The following PCDHGA10 variants were observed in gnomAD, a reference collection of about 807,000 sequenced individuals.
The protein encoded by PCDHGA10 is protocadherin gamma subfamily A, 10.
Under a neutral mutation model 59.5 loss-of-function variants are expected in PCDHGA10, and 42 were observed. The ratio of observed to expected loss-of-function variants is 0.71; its 90% CI spans 0.55 to 0.91. The LOEUF is 0.91. PCDHGA10 is among the 40% of genes least tolerant of loss of function. PCDHGA10 has a pLI of 0.00. For synonymous variants in PCDHGA10, 511 were observed against 517.2 expected, an observed-to-expected ratio of 0.99 and a Z score of 0.16; for missense variants, 1,111 against 1,198.2, an observed-to-expected ratio of 0.93 and a Z score of 1.07.
chr5:141,460,950 T>C (rs1458616371), intron 1 of PCDHGA10, among the ~76,000 whole-genome samples: 1 of 135,948 alleles, frequency 7.4e-6, no homozygotes, highest in East Asian at 2.0e-4. Flanking sequence ...ATATGTATTA[T>C]GTATATATAT....
At chr5:141,505,302 G>A (rs1733345360) in intron 2 of PCDHGA10, 91 bp from the exon 3 acceptor site, 1 of 1,592,596 alleles carries the variant, frequency 6.3e-7, no homozygotes, top group Admixed American at 1.7e-5. Flanking sequence ...TAGGGTTAGG[G>A]TACTAGGTTT....
At chr5:141,422,296 A>T (rs200545713) in intron 1 of PCDHGA10, 6 of 1,550,706 alleles carry the variant, frequency 3.9e-6, no homozygotes, top group Non-Finnish European at 4.3e-6. Context: ...TATTAATTCA[A>T]TTCTGGAAAA....
At chr5:141,502,932 C>T (rs1039438031) in intron 2 of PCDHGA10, among the ~76,000 whole-genome samples, 2 of 143,766 alleles carry the variant, frequency 1.4e-5, no homozygotes, top group African/African-American at 5.3e-5. Context: ...CAACCTTCAC[C>T]TCCTGGGTTC....
chr5:141,418,397 T>C (rs764404369), intron 1 of PCDHGA10: 9 of 1,613,838 alleles, frequency 5.6e-6, no homozygotes, highest in South Asian at 3.3e-5. Context: ...GTATTTCTCA[T>C]TGGTGGAGAA....
chr5:141,498,306 A>C (rs2099783027), intron 2 of PCDHGA10, among the ~76,000 whole-genome samples: 1 of 151,810 alleles, frequency 6.6e-6, no homozygotes, highest in African/African-American at 2.4e-5. Flanking sequence ...TCTGGGTCAC[A>C]CTGCCTACAC....
At chr5:141,442,947 C>T (rs185574624) in intron 1 of PCDHGA10, among the ~76,000 whole-genome samples, 92 of 152,282 alleles carry the variant, frequency 6.0e-4, no homozygotes, top group African/African-American at 1.7e-3. Flanking sequence ...AACTTCCTCT[C>T]ACTGCAAAAA....
rs1594492695 is a variant in PCDHGA10 at position 141,485,536 on chromosome 5, A to G, written c.2437-9271A>G. On this transcript the variant is annotated intron_variant, in intron 1 of 3. Transcript: ENST00000398610. The surrounding 1 kb of genome is among the most constrained non-coding windows in gnomAD (Gnocchi z 5.7). ...CTTTGGAAATGTACCGAGCAGAGGTAGAGATCGTAGATGTGAATGATCACG... is the reference window on the plus strand; with the variant it reads ...CTTTGGAAATGTACCGAGCAGAGGTGGAGATCGTAGATGTGAATGATCACG... 3 of 1,613,976 alleles carry G rather than the reference A, an allele frequency of 1.9e-6. No homozygotes were observed. The highest frequency in any genetic ancestry group is 2.5e-6 in the Non-Finnish European group (3 of 1,179,946).
At position 141,414,822 on chromosome 5, in the gene PCDHGA10, C is replaced by A; in HGVS notation, c.1647C>A (p.Asn549Lys). 1 of 1,614,240 alleles carries A rather than the reference C, an allele frequency of 6.2e-7. No individual in the cohort carries two copies. Among genetic ancestry groups the A allele is most frequent in the Non-Finnish European group, 8.5e-7 (1 of 1,180,042 alleles). ...SDSGDPPLSS[N>K]VSLSLFVLDQ... is the part of the protein sequence containing the mutation. ...GCGGGGATCCTCCACTCAGCAGCAA[C>A]GTGTCGTTGAGCCTGTTTGTGCTGG... The change falls in exon 1 of 4, where the codon AAC becomes AAA. Residue 549 changes from asparagine (N) to lysine (K), a missense_variant. Coordinates refer to ENST00000398610, the MANE Select transcript of PCDHGA10 (RefSeq NM_018913.3).
intron 1 of PCDHGA10, among the ~76,000 whole-genome samples, chr5:141,445,447 A>C (rs974383838): frequency 6.6e-6 from 1 of 152,222 alleles, no homozygotes; most frequent in Non-Finnish European, 1.5e-5. Flanking sequence ...TGGACTAAGG[A>C]TGCAGCAATG....
chr5:141,438,735 C>T (rs2098057719), intron 1 of PCDHGA10, among the ~76,000 whole-genome samples: 1 of 149,150 alleles, frequency 6.7e-6, no homozygotes, highest in South Asian at 2.1e-4. Context: ...GATCTCAGCT[C>T]ACTGCAACCT....
Position 141,486,142 on chromosome 5 carries a change from C to T in PCDHGA10, c.2437-8665C>T. 6.2e-7 allele frequency: 1 copy of T among 1,614,200 alleles called. No homozygotes were observed. The highest frequency in any genetic ancestry group is 1.3e-5 in the African/African-American group (1 of 75,052). ...ACTATGAATTTGATGTGCGGGCTCG[C>T]GATGGGGGTTCTCCAGCCATGGAGC... On this transcript the variant is annotated intron_variant, in intron 1 of 3. Coordinates refer to ENST00000398610, the MANE Select transcript of PCDHGA10 (RefSeq NM_018913.3). This position sits in a 1 kb window ranked among gnomAD's most constrained non-coding sequence, Gnocchi z 5.0.
chr5:141,427,820 G>A (rs2097075272), intron 1 of PCDHGA10: 2 of 1,532,144 alleles, frequency 1.3e-6, no homozygotes, highest in East Asian at 4.5e-5. Flanking sequence ...GCGGGGTGGT[G>A]GTCGCGCAGC....
At chr5:141,461,602 A>G (rs971808608) in intron 1 of PCDHGA10, among the ~76,000 whole-genome samples, 2 of 152,172 alleles carry the variant, frequency 1.3e-5, no homozygotes, top group African/African-American at 4.8e-5. Flanking sequence ...ATTATAATTT[A>G]GTTCAAAGTA....
chr5:141,427,628 G>A (rs1308356581), intron 1 of PCDHGA10: 2 of 700,966 alleles, frequency 2.9e-6, no homozygotes, highest in Admixed American at 2.0e-5. Flanking sequence ...ACAATGCTCC[G>A]GTTTTCCACC....
In PCDHGA10 at chr5:141,487,819, C is replaced by A; in HGVS notation, c.2437-6988C>A. 2.3e-6 allele frequency: 3 copies of A among 1,285,528 alleles called. No homozygotes were observed. Among genetic ancestry groups the A allele is most frequent in the Non-Finnish European group, 3.2e-6 (3 of 932,998 alleles). 79.6% of individuals were successfully genotyped at this position (1,285,528 alleles called of 1,614,324 possible). On this transcript the variant is annotated intron_variant, in intron 1 of 3. Transcript: ENST00000398610. This position sits in a 1 kb window ranked among gnomAD's most constrained non-coding sequence, Gnocchi z 5.0. ...AGTTGTCACAGTTTAGCATTGGGGG[C>A]GGGTCATGCCTATATCTGAGTAAGA...
chr5:141,490,890 G>C lies in PCDHGA10; in HGVS notation c.2437-3917G>C, dbSNP rs751713801. The C allele has an allele frequency of 9.9e-6, 16 of 1,613,306 alleles. No homozygotes were observed. The South Asian group carries it at 1.2e-4, about 12-fold the overall frequency. On this transcript the variant is annotated intron_variant, in intron 1 of 3. Transcript: ENST00000398610. This position sits in a 1 kb window ranked among gnomAD's most constrained non-coding sequence, Gnocchi z 5.4. ...CCCCATTGCATGCCAACACATCTCT[G>C]CATGTGTTTGTCCTAGACGAGAATG...
At chr5:141,418,955 G>C in intron 1 of PCDHGA10, 4 of 1,614,050 alleles carry the variant, frequency 2.5e-6, no homozygotes, top group Non-Finnish European at 3.4e-6. Flanking sequence ...AGGAGTGGTT[G>C]TTGCCCTCTT....
chr5:141,471,635 A>G (rs1477641248), intron 1 of PCDHGA10: 1 of 152,224 alleles, frequency 6.6e-6, no homozygotes, highest in Non-Finnish European at 1.5e-5. Context: ...GGTATGGATT[A>G]GTAATATACT....
At position 141,485,532 on chromosome 5, in the gene PCDHGA10, A is replaced by C. The variant is rs1360942348; in HGVS notation, c.2437-9275A>C. 6.2e-7 allele frequency: 1 copy of C among 1,614,108 alleles called. No individual in the cohort carries two copies. The highest frequency in any genetic ancestry group is 1.7e-5 in the Admixed American group (1 of 60,000). ...GGTCCTTTGGAAATGTACCGAGCAG[A>C]GGTAGAGATCGTAGATGTGAATGAT... On this transcript the variant is annotated intron_variant, in intron 1 of 3. Transcript: ENST00000398610. This position sits in a 1 kb window ranked among gnomAD's most constrained non-coding sequence, Gnocchi z 5.7.
Sources: gnomAD v4.1 joint callset for allele counts (sites outside exome capture counted in the v4.1 genomes callset) on GRCh38, gnomAD v4.1.1 for gene constraint, Gnocchi (gnomAD v3.1) non-coding constraint, MANE v1.5 for transcripts, NCBI Gene and HGNC (gene_info 2026-07-23, HGNC 2026-07-21) for gene names.